PALS1: variants seen among roughly 807,000 people sequenced by gnomAD.
PALS1 encodes protein PALS1.
A neutral mutation model predicts 78.9 loss-of-function variants in PALS1; 31 were observed. The observed-to-expected ratio is 0.39, with a 90% CI of 0.30 to 0.53. The LOEUF (loss-of-function observed/expected upper bound fraction) is 0.53. Ranked by LOEUF, PALS1 falls within the 20% of genes least tolerant of loss-of-function variation. The probability of loss-of-function intolerance (pLI) is 0.67; values close to 1 mark genes in which losing one functional copy is unlikely to be tolerated. For synonymous variants in PALS1, 276 were observed against 270.9 expected, an observed-to-expected ratio of 1.02 and a Z score of -0.18; for missense variants, 704 against 826.5, an observed-to-expected ratio of 0.85 and a Z score of 1.82.
In PALS1 at chr14:67,279,543, TA is replaced by T. The variant is rs775445876; in HGVS notation, c.367+11del. 1.3e-6 allele frequency: 2 copies of T among 1,520,440 alleles called. No individual in the cohort carries two copies. Among genetic ancestry groups the T allele is most frequent in the Admixed American group, 4.6e-5 (2 of 43,488 alleles). 94.2% of individuals were successfully genotyped at this position (1,520,440 alleles called of 1,614,324 possible). On this transcript the variant is annotated splice_region_variant and intron_variant, in intron 3 of 14. Transcript: ENST00000261681. ...TTATGCTGTGAAAATATTAGGTAAG[TA>T]AAAATAGAGGTATAACAGAAAACAT...
In PALS1 at chr14:67,332,361, G is replaced by A. The variant is rs113939989; in HGVS notation, c.1852-419G>A. Among the ~76,000 whole-genome samples the A allele has an allele frequency of 7.7e-3, 1,167 of 152,288 alleles. 14 individuals carry two copies. Among genetic ancestry groups the A allele is most frequent in the African/African-American group, 0.025 (1,051 of 41,550 alleles). ...CAAGGGCTCTTTACTAGAGCCAAAAGTAAATGGCATTTTAGGTCCTTGCTC... is the reference window on the plus strand; with the variant it reads ...CAAGGGCTCTTTACTAGAGCCAAAAATAAATGGCATTTTAGGTCCTTGCTC... On this transcript the variant is annotated intron_variant, in intron 14 of 14. Coordinates refer to ENST00000261681, the MANE Select transcript of PALS1 (RefSeq NM_022474.4).
At chr14:67,251,807 G>C (rs1266673139) in intron 1 of PALS1, among the ~76,000 whole-genome samples, 1 of 152,142 alleles carries the variant, frequency 6.6e-6, no homozygotes, top group Non-Finnish European at 1.5e-5. Context: ...GTCAACTCTT[G>C]GCAGGCCCCT....
intron 11 of PALS1, 142 bp downstream of exon 11, chr14:67,317,621 C>A: frequency 1.9e-6 from 1 of 530,620 alleles, no homozygotes; most frequent in Non-Finnish European, 3.3e-6. Flanking sequence ...GTGAGTAAGG[C>A]AGTGTTTTGA....
intron 14 of PALS1, among the ~76,000 whole-genome samples, chr14:67,327,509 C>CT (rs2085376853): frequency 6.6e-6 from 1 of 150,568 alleles, no homozygotes; most frequent in Admixed American, 6.6e-5. Flanking sequence ...TTTTATTATA[C>CT]TTTAAGTTCT....
chr14:67,322,112 A>T (rs2085271176), intron 13 of PALS1, among the ~76,000 whole-genome samples: 1 of 152,132 alleles, frequency 6.6e-6, no homozygotes, highest in East Asian at 1.9e-4. Context: ...TTAGGACGCC[A>T]ATGTGGGTGG....
chr14:67,309,521 T>C (rs2085056718), intron 8 of PALS1, among the ~76,000 whole-genome samples: 1 of 152,146 alleles, frequency 6.6e-6, no homozygotes, highest in Non-Finnish European at 1.5e-5. Flanking sequence ...GCATGTTCTC[T>C]TCCCAGCCTA....
chr14:67,304,596 G>A (rs765885519), intron 8 of PALS1, among the ~76,000 whole-genome samples: 1 of 152,202 alleles, frequency 6.6e-6, no homozygotes, highest in East Asian at 1.9e-4. Flanking sequence ...TAAATCCATA[G>A]GAGAGAAAGC....
intron 4 of PALS1, among the ~76,000 whole-genome samples, chr14:67,298,483 C>T (rs2084889383): frequency 6.6e-6 from 1 of 150,548 alleles, no homozygotes; most frequent in Non-Finnish European, 1.5e-5. Context: ...CCATTGCACT[C>T]CAGCCTGGGC....
rs772823494 is a variant in PALS1, at chr14:67,320,321, A to T, written c.1461A>T (p.Pro487=). The change falls in exon 12 of 15, where the codon CCA becomes CCT. Residue 487 remains proline (P), a synonymous_variant. Transcript: ENST00000261681. ...NRKRPIILIG[P]QNCGQNELRQ... ...AGAGACCTATCATCTTGATTGGTCCACAGAACTGTGGCCAGAATGAATTGC... is the reference window on the plus strand; with the variant it reads ...AGAGACCTATCATCTTGATTGGTCCTCAGAACTGTGGCCAGAATGAATTGC... 1 of 1,613,946 alleles carries T rather than the reference A, an allele frequency of 6.2e-7. No individual in the cohort carries two copies. The highest frequency in any genetic ancestry group is 2.2e-5 in the East Asian group (1 of 44,852).
Position 67,308,069 on chromosome 14 carries a change from G to C in PALS1, c.1042-4458G>C, listed in dbSNP as rs373575350. On this transcript the variant is annotated intron_variant, in intron 8 of 14. Transcript: ENST00000261681. ...CATAAAGGGGAACAACACACACTAG[G>C]GTCTTTCAGAGGGTAGAGGGCAGGG... Among the ~76,000 whole-genome samples the C allele has an allele frequency of 1.1e-4, 16 of 152,030 alleles. No homozygotes were observed. The East Asian group carries it at 2.5e-3, about 24-fold the overall frequency.
intron 13 of PALS1, 126 bp downstream of exon 13, chr14:67,321,385 C>A (rs1015851126): frequency 2.4e-6 from 2 of 846,074 alleles, no homozygotes; most frequent in Non-Finnish European, 1.9e-6. Flanking sequence ...GTTTTTCCCA[C>A]TGATTTGCTA....
intron 14 of PALS1, among the ~76,000 whole-genome samples, chr14:67,331,902 T>C (rs977113024): frequency 2.8e-5 from 4 of 145,370 alleles, no homozygotes; most frequent in Non-Finnish European, 4.4e-5. Flanking sequence ...AAGGATTCTG[T>C]GTGCCATATT....
chr14:67,331,855 CA>C (rs1025217398), intron 14 of PALS1, among the ~76,000 whole-genome samples: 27 of 152,056 alleles, frequency 1.8e-4, no homozygotes, highest in Non-Finnish European at 2.9e-4. Context: ...TCAGTGTGTT[CA>C]GTTACAGTGG....
chr14:67,288,782 A>G (rs1186074736), intron 3 of PALS1, among the ~76,000 whole-genome samples: 4 of 152,100 alleles, frequency 2.6e-5, no homozygotes, highest in Admixed American at 2.0e-4. Flanking sequence ...GCTTATGGTT[A>G]GATTCTGGCT....
chr14:67,267,015 G>A (rs182155481), intron 1 of PALS1, among the ~76,000 whole-genome samples: 1 of 152,076 alleles, frequency 6.6e-6, no homozygotes, highest in Non-Finnish European at 1.5e-5. Flanking sequence ...GCTGAAGCGG[G>A]AAGATCACTT....
At chr14:67,283,739 A>C (rs1223821300) in intron 3 of PALS1, among the ~76,000 whole-genome samples, 2 of 152,218 alleles carry the variant, frequency 1.3e-5, no homozygotes, top group Admixed American at 6.5e-5. Context: ...AATTCATTAG[A>C]GTATATGTAT....
chr14:67,275,383 G>A (rs1451522578), intron 2 of PALS1, among the ~76,000 whole-genome samples: 1 of 152,048 alleles, frequency 6.6e-6, no homozygotes, highest in Non-Finnish European at 1.5e-5. Context: ...ATAATCATGT[G>A]GTTTTTGTCT....
At chr14:67,298,357 TA>T (rs892523819) in intron 4 of PALS1, among the ~76,000 whole-genome samples, 1 of 151,456 alleles carries the variant, frequency 6.6e-6, no homozygotes, top group South Asian at 2.1e-4. Flanking sequence ...CTACTAAAAA[TA>T]AAAAAAACTA....
At chr14:67,291,612 A>G (rs1201487429) in intron 3 of PALS1, among the ~76,000 whole-genome samples, 1 of 152,164 alleles carries the variant, frequency 6.6e-6, no homozygotes, top group Non-Finnish European at 1.5e-5. Flanking sequence ...TTTTAGAATA[A>G]CGTTTTCCAG....
Sources: allele counts gnomAD v4.1 joint callset (sites outside exome capture counted in the v4.1 genomes callset), GRCh38; gene constraint gnomAD v4.1.1; transcripts MANE v1.5; gene names NCBI Gene and HGNC (gene_info 2026-07-23, HGNC 2026-07-21).